The following OPTN variants were observed in gnomAD, a reference collection of about 807,000 sequenced individuals.
OPTN encodes the protein optineurin.
A neutral mutation model predicts 70.4 loss-of-function variants in OPTN; 54 were observed. The observed-to-expected ratio is 0.77, with a 90% CI of 0.62 to 0.96. OPTN has a LOEUF of 0.96. Ranked by LOEUF, OPTN falls within the 40% of genes least tolerant of loss-of-function variation. The pLI is 0.00. For synonymous variants in OPTN, 256 were observed against 248.5 expected (o/e 1.03, Z -0.28); for missense variants, 624 against 673.2 (o/e 0.93, Z 0.81).
intron 4 of OPTN, among the ~76,000 whole-genome samples, chr10:13,111,568 C>A (rs531591650): frequency 1.3e-5 from 2 of 151,850 alleles, no homozygotes; most frequent in African/African-American, 4.8e-5. Context: ...CATGGTAGTG[C>A]GTGCCTGTAG....
chr10:13,132,220 C>G (rs2131528368), intron 13 of OPTN, 23 bp downstream of exon 13: 1 of 1,609,906 alleles, frequency 6.2e-7, no homozygotes, highest in South Asian at 1.1e-5. Flanking sequence ...GAGAGGAGGA[C>G]CCAGAGCTCA....
intron 7 of OPTN, among the ~76,000 whole-genome samples, chr10:13,121,139 A>G (rs1833339812): frequency 6.6e-6 from 1 of 152,196 alleles, no homozygotes; most frequent in Non-Finnish European, 1.5e-5. Context: ...GGGTGGGGAC[A>G]ACAAAGCCTA....
chr10:13,132,146 T>C lies in OPTN; in HGVS notation c.1481T>C (p.Leu494Ser). 2 of 1,613,666 alleles carry C rather than the reference T, an allele frequency of 1.2e-6. No homozygotes were observed. The highest frequency in any genetic ancestry group is 1.7e-4 in the Middle Eastern group (1 of 6,054). Residue 494 changes from leucine to serine, a missense_variant, in exon 13 of 15, where the codon TTG becomes TCG. Leu to Ser is a moderately radical substitution (Grantham distance 145). Transcript: ENST00000378747. ...CATGAGGAAAAGGAGCAACTGGCAT[T>C]GCAGCTGGCAGTTCTGCTGAAAGAG... ...KIHEEKEQLALQLAVLLKEND... is the reference protein window; with the variant it reads ...KIHEEKEQLASQLAVLLKEND...
In OPTN at chr10:13,138,088, A is replaced by G. The variant is rs985871229; in HGVS notation, c.*1222A>G. The stretch of plus-strand genomic sequence containing the variant: ...TAGTCATATATCTTTCATTAGTTCT[A>G]TGGATATGAGCAGATCCCTTTACTG... On this transcript the variant is annotated 3_prime_UTR_variant, in exon 15 of 15. Transcript: ENST00000378747. 5.1e-6 allele frequency: 1 copy of G among 197,082 alleles called. No homozygotes were observed. Among genetic ancestry groups the G allele is most frequent in the Middle Eastern group, 1.8e-3 (1 of 562 alleles). 12.2% of individuals were successfully genotyped at this position (197,082 alleles called of 1,614,324 possible). A position where few individuals can be genotyped will look rare whatever the true frequency, so the allele number is the denominator to read the frequency against.
Position 13,122,399 on chromosome 10 carries a change from A to G in OPTN, c.794A>G (p.Glu265Gly). The G allele has an allele frequency of 6.2e-7, 1 of 1,613,028 alleles. No homozygotes were observed. The highest frequency in any genetic ancestry group is 8.5e-7 in the Non-Finnish European group (1 of 1,178,974). The change falls in exon 8 of 15, where the codon GAA becomes GGA. Residue 265 changes from glutamate to glycine, a missense_variant. Physicochemically the swap from Glu to Gly is moderately conservative, Grantham distance 98 (BLOSUM62 -2). Coordinates refer to ENST00000378747, the MANE Select transcript of OPTN (RefSeq NM_001008212.2). ...TGATTTTCCAGAGTTTCAGATTTTG[A>G]AAAGAAAACAAGTAATCGTTCTGAG... ...KEAKERVSDF[E>G]KKTSNRSEIE...
chr10:13,119,473 G>A (rs1391984195), intron 7 of OPTN, among the ~76,000 whole-genome samples: 2 of 152,166 alleles, frequency 1.3e-5, no homozygotes, highest in Admixed American at 1.3e-4. Context: ...CATTAGAGTT[G>A]TTGCCACTTT....
intron 5 of OPTN, among the ~76,000 whole-genome samples, chr10:13,115,869 C>T (rs1401694814): frequency 6.6e-6 from 1 of 151,730 alleles, no homozygotes; most frequent in Non-Finnish European, 1.5e-5. Flanking sequence ...AACTTTACCT[C>T]AGTGAGTTCT....
At chr10:13,122,833 C>T (rs896184382) in intron 8 of OPTN, 18 of 309,700 alleles carry the variant, frequency 5.8e-5, no homozygotes, top group Middle Eastern at 1.1e-3. Context: ...CCCGTCACCA[C>T]GCCTGGCTAA....
At chr10:13,122,269 AC>A in intron 7 of OPTN, 115 bp from the exon 8 acceptor site, 5 of 734,226 alleles carry the variant, frequency 6.8e-6, no homozygotes, top group Middle Eastern at 3.7e-4. Flanking sequence ...GATTTTGAAA[AC>A]CCCTGATCCT....
At chr10:13,109,048 G>A (rs775084571) in intron 2 of OPTN, 64 bp from the exon 3 acceptor site, 20 of 1,465,014 alleles carry the variant, frequency 1.4e-5, no homozygotes, top group Non-Finnish European at 1.8e-5. Context: ...GGGTTTGTGG[G>A]ACTCCCGGGG....
intron 11 of OPTN, among the ~76,000 whole-genome samples, chr10:13,127,124 G>A (rs1226266830): frequency 3.3e-5 from 5 of 152,182 alleles, no homozygotes; most frequent in Admixed American, 3.3e-4. Flanking sequence ...TGAATTTTTA[G>A]CCTTGTAAAT....
chr10:13,129,854 A>G (rs769007326), intron 12 of OPTN, among the ~76,000 whole-genome samples: 23 of 152,152 alleles, frequency 1.5e-4, no homozygotes, highest in Non-Finnish European at 1.5e-4. Context: ...TTCCCTACAT[A>G]CAGACTCATT....
chr10:13,111,657 C>T (rs1179819055), intron 4 of OPTN, among the ~76,000 whole-genome samples: 1 of 151,726 alleles, frequency 6.6e-6, no homozygotes, highest in Non-Finnish European at 1.5e-5. Flanking sequence ...GAGATCGCGC[C>T]ATTGCACTCC....
chr10:13,126,572 G>A (rs955933043), intron 11 of OPTN, among the ~76,000 whole-genome samples: 21 of 151,082 alleles, frequency 1.4e-4, no homozygotes, highest in Admixed American at 9.3e-4. Context: ...GAGCCACCGC[G>A]CCCGGCCAGC....
chr10:13,137,331 A>G lies in OPTN; in HGVS notation c.*465A>G. 3.2e-6 allele frequency: 1 copy of G among 316,656 alleles called. No homozygotes were observed. The highest frequency in any genetic ancestry group is 5.9e-6 in the Non-Finnish European group (1 of 168,068). The allele number at this position is 316,656 out of a possible 1,614,324, so 19.6% of individuals were successfully genotyped here. On this transcript the variant is annotated 3_prime_UTR_variant, in exon 15 of 15. Transcript: ENST00000378747. ...AGGAGAAGGAAGGAAGGAGAAGAAA[A>G]GGTACCTGTTCTACGTAGAACACCT...
chr10:13,138,215 A>G lies in OPTN; in HGVS notation c.*1349A>G, dbSNP rs1833734900. Reference sequence around the variant, plus strand: ...TAAGTCTACAATTTGCCAAGAGTAAATAACACTGGACCAGCTGTAAAAGTA... The same window carrying G: ...TAAGTCTACAATTTGCCAAGAGTAAGTAACACTGGACCAGCTGTAAAAGTA... On this transcript the variant is annotated 3_prime_UTR_variant, in exon 15 of 15. Coordinates refer to ENST00000378747, the MANE Select transcript of OPTN (RefSeq NM_001008212.2). 5.4e-6 allele frequency: 1 copy of G among 186,640 alleles called. No homozygotes were observed. Among genetic ancestry groups the G allele is most frequent in the African/African-American group, 2.3e-5 (1 of 42,744 alleles). The allele number at this position is 186,640 out of a possible 1,614,324, so 11.6% of individuals were successfully genotyped here.
At chr10:13,107,691 C>A (rs897118707) in intron 1 of OPTN, among the ~76,000 whole-genome samples, 1 of 152,080 alleles carries the variant, frequency 6.6e-6, no homozygotes, top group Non-Finnish European at 1.5e-5. Context: ...CAAAAACAAT[C>A]TTCTAACAGT....
intron 7 of OPTN, among the ~76,000 whole-genome samples, 194 bp from the exon 8 acceptor site, chr10:13,122,191 C>T (rs1833365499): frequency 6.6e-6 from 1 of 152,126 alleles, no homozygotes; most frequent in South Asian, 2.1e-4. Flanking sequence ...GTGTATTTGT[C>T]TGTGAATCAA....
At chr10:13,109,853 A>ACG (rs1554768326) in intron 3 of OPTN, among the ~76,000 whole-genome samples, 1 of 139,268 alleles carries the variant, frequency 7.2e-6, no homozygotes, top group Non-Finnish European at 1.5e-5. Context: ...AAAAAAAAAA[A>ACG]GGAAAAAGGA....
Sources: allele counts gnomAD v4.1 joint callset (sites outside exome capture counted in the v4.1 genomes callset), GRCh38; gene constraint gnomAD v4.1.1; transcripts MANE v1.5; gene names NCBI Gene and HGNC (gene_info 2026-07-23, HGNC 2026-07-21).